The following HAO2 variants were observed in gnomAD, a reference collection of about 807,000 sequenced individuals.
HAO2 encodes 2-Hydroxyacid oxidase 2.
Under a neutral mutation model 37.4 loss-of-function variants are expected in HAO2, and 42 were observed. That is an observed-to-expected ratio of 1.12 (90% confidence interval 0.88 to 1.45). The LOEUF is 1.45. Among genes scored for constraint, HAO2 ranks in the 40% most tolerant of loss-of-function variants. HAO2 has a pLI of 0.00. For missense variants in HAO2, 476 were observed against 430.2 expected (o/e 1.11, Z -0.94); for synonymous variants, 180 against 162.8 (o/e 1.11, Z -0.81).
At chr1:119,383,376 AG>A (rs1397191522) in intron 3 of HAO2, among the ~76,000 whole-genome samples, 1 of 152,240 alleles carries the variant, frequency 6.6e-6, no homozygotes, top group East Asian at 1.9e-4. Flanking sequence ...CTGTAGGGAA[AG>A]GGATGCTTAA....
At chr1:119,370,279 A>G (rs1416958924) in intron 1 of HAO2, 2 of 152,226 alleles carry the variant, frequency 1.3e-5, no homozygotes, top group Non-Finnish European at 2.9e-5. Context: ...GGAGCAGTAT[A>G]TGCCTCCGCC....
chr1:119,379,023 C>T (rs587693040), intron 1 of HAO2, among the ~76,000 whole-genome samples: 10 of 152,188 alleles, frequency 6.6e-5, no homozygotes, highest in African/African-American at 2.2e-4. Context: ...TGAAAGGATG[C>T]AAAGCAAACT....
chr1:119,373,854 A>G (rs2101172977), intron 1 of HAO2, among the ~76,000 whole-genome samples: 1 of 152,314 alleles, frequency 6.6e-6, no homozygotes, highest in Admixed American at 6.5e-5. Flanking sequence ...CCTAAAAAGG[A>G]GAGATTATTA....
intron 5 of HAO2, among the ~76,000 whole-genome samples, chr1:119,387,875 T>G (rs1010057145): frequency 6.6e-6 from 1 of 152,114 alleles, no homozygotes; most frequent in Admixed American, 6.6e-5. Flanking sequence ...TTCCAGGAAT[T>G]AGAAATTTGC....
intron 1 of HAO2, among the ~76,000 whole-genome samples, chr1:119,371,810 GTTA>G: frequency 6.6e-6 from 1 of 152,278 alleles, no homozygotes; most frequent in Non-Finnish European, 1.5e-5. Flanking sequence ...TATTATTGTC[GTTA>G]TTATTATTCA....
At chr1:119,372,738 A>C (rs962539365) in intron 1 of HAO2, among the ~76,000 whole-genome samples, 2 of 152,218 alleles carry the variant, frequency 1.3e-5, no homozygotes, top group Admixed American at 6.5e-5. Flanking sequence ...TCTTGAAAAG[A>C]AAGACCTCCA....
chr1:119,379,792 G>A (rs190789731), intron 1 of HAO2, among the ~76,000 whole-genome samples: 23 of 152,078 alleles, frequency 1.5e-4, no homozygotes, highest in African/African-American at 5.3e-4. Context: ...CCTTAAGTAC[G>A]TGCTAAGGCT....
intron 1 of HAO2, among the ~76,000 whole-genome samples, chr1:119,370,781 A>C (rs1648928378): frequency 6.6e-6 from 1 of 152,162 alleles, no homozygotes; most frequent in African/African-American, 2.4e-5. Context: ...GTAGACAGAG[A>C]AGCCAGGAGG....
intron 1 of HAO2, among the ~76,000 whole-genome samples, chr1:119,376,919 A>G (rs766135374): frequency 1.3e-5 from 2 of 152,182 alleles, no homozygotes; most frequent in Admixed American, 6.5e-5. Flanking sequence ...GGGTCTGCAG[A>G]GAAGATGTCT....
intron 1 of HAO2, chr1:119,370,064 A>T (rs1363229720): frequency 6.6e-6 from 1 of 152,182 alleles, no homozygotes; most frequent in Non-Finnish European, 1.5e-5. Flanking sequence ...TTGGGAATCC[A>T]AGTGGCCTTT....
At position 119,393,792 on chromosome 1, in the gene HAO2, G is replaced by C; in HGVS notation, c.1008G>C (p.Arg336=). Residue 336 remains arginine (R), a synonymous_variant, in exon 8 of 8, where the codon CGG becomes CGC. Transcript: ENST00000325945. Reference sequence around the variant, plus strand: ...ACCACATTGTTCTTTTAGGCTGCCGGTCGGTCGCTGAGATCAATCGAAACT... The same window carrying C: ...ACCACATTGTTCTTTTAGGCTGCCGCTCGGTCGCTGAGATCAATCGAAACT... ...FHTSMALTGC[R]SVAEINRNLV... is the part of the protein sequence containing the mutation. 6.2e-7 allele frequency: 1 copy of C among 1,613,198 alleles called. No homozygotes were observed. Among genetic ancestry groups the C allele is most frequent in the Non-Finnish European group, 8.5e-7 (1 of 1,179,354 alleles).
intron 1 of HAO2, chr1:119,370,216 T>G (rs10802090): frequency 0.21 from 32,251 of 152,156 alleles, 3,582 homozygotes; most frequent in East Asian, 0.31. Flanking sequence ...CCAGAAGAAC[T>G]AGTCACAGAG....
intron 5 of HAO2, among the ~76,000 whole-genome samples, chr1:119,389,196 A>G (rs1650672426): frequency 1.0e-5 from 1 of 100,056 alleles, no homozygotes; most frequent in East Asian, 2.6e-4. Context: ...CCACTCATTG[A>G]TTGATGGGCA....
intron 1 of HAO2, among the ~76,000 whole-genome samples, chr1:119,371,159 A>G (rs1365641884): frequency 6.6e-6 from 1 of 152,150 alleles, no homozygotes; most frequent in Non-Finnish European, 1.5e-5. Flanking sequence ...CCCCCATACC[A>G]GTAACACTCC....
At chr1:119,390,141 G>A (rs1355797599) in intron 5 of HAO2, among the ~76,000 whole-genome samples, 1 of 152,216 alleles carries the variant, frequency 6.6e-6, no homozygotes, top group South Asian at 2.1e-4. Flanking sequence ...TGTTCCATTG[G>A]TCCATGTGCC....
intron 1 of HAO2, among the ~76,000 whole-genome samples, chr1:119,373,115 T>C (rs1290970324): frequency 6.6e-6 from 1 of 152,212 alleles, no homozygotes; most frequent in Non-Finnish European, 1.5e-5. Context: ...TGAAGCAGCC[T>C]GCCTCTCAGG....
chr1:119,380,786 G>C lies in HAO2; in HGVS notation c.-8-292G>C, dbSNP rs587668689. ...TTAAGAAGTGGTGGGGCCTCAACTA[G>C]GTCTAAGGTGGTGTGTGTACAGTGG... On this transcript the variant is annotated intron_variant, in intron 1 of 7. Transcript: ENST00000325945. 143 of 1,005,558 alleles carry C rather than the reference G, an allele frequency of 1.4e-4. No individual in the cohort carries two copies. The African/African-American group carries it at 1.9e-3, about 13-fold the overall frequency. 62.3% of individuals were successfully genotyped at this position (1,005,558 alleles called of 1,614,324 possible).
chr1:119,382,205 C>T (rs907645246), intron 2 of HAO2, among the ~76,000 whole-genome samples: 5 of 152,164 alleles, frequency 3.3e-5, no homozygotes, highest in Non-Finnish European at 7.3e-5. Context: ...GATGAAGTGA[C>T]TGAGGCTACC....
intron 5 of HAO2, among the ~76,000 whole-genome samples, chr1:119,391,092 G>A (rs1045435112): frequency 7.5e-5 from 11 of 146,742 alleles, no homozygotes; most frequent in African/African-American, 1.0e-4. Flanking sequence ...TCAATTCCCC[G>A]CCCCCACCTA....
Sources: allele counts gnomAD v4.1 joint callset (sites outside exome capture counted in the v4.1 genomes callset), GRCh38; gene constraint gnomAD v4.1.1; transcripts MANE v1.5; gene names NCBI Gene and HGNC (gene_info 2026-07-23, HGNC 2026-07-21).